DNAAF11: variants seen among roughly 807,000 people sequenced by gnomAD.
DNAAF11 encodes the protein leucine rich repeat containing 6.
DNAAF11 carries 45 observed loss-of-function variants against 60.8 expected under a neutral mutation model. The observed-to-expected ratio is 0.74, with a 90% CI of 0.58 to 0.95. DNAAF11 has a LOEUF of 0.95. Among genes scored for constraint, DNAAF11 ranks in the 40% least tolerant of loss-of-function variants. The pLI is 0.00. For synonymous variants in DNAAF11, 191 were observed against 183.5 expected (o/e 1.04, Z -0.33); for missense variants, 546 against 546.2 (o/e 1.00, Z 0.00).
At chr8:132,639,274 A>C (rs994331231) in intron 3 of DNAAF11, among the ~76,000 whole-genome samples, 1 of 152,156 alleles carries the variant, frequency 6.6e-6, no homozygotes, top group African/African-American at 2.4e-5. Context: ...GTTCAATATA[A>C]GATTATCTCT....
chr8:132,632,912 C>G lies in DNAAF11; in HGVS notation c.481G>C (p.Asp161His). The G allele has an allele frequency of 6.2e-7, 1 of 1,613,838 alleles. No homozygotes were observed. The highest frequency in any genetic ancestry group is 8.5e-7 in the Non-Finnish European group (1 of 1,179,900). ...ATTTGTGGTTCAATTACTGAATAGT[C>G]CTGCAATGCCTTAATCCTTTCTGAA... ...EPSERIKALQ[D>H]YSVIEPQIRE... The change falls in exon 5 of 12, where the codon GAC (aspartate) becomes CAC (histidine). Residue 161 changes from aspartate (D) to histidine (H), a missense_variant. Physicochemically the swap from Asp to His is moderately conservative, Grantham distance 81. Coordinates refer to ENST00000620350, the MANE Select transcript of DNAAF11 (RefSeq NM_012472.6).
intron 11 of DNAAF11, among the ~76,000 whole-genome samples, chr8:132,577,623 G>T (rs1176689195): frequency 6.6e-6 from 1 of 152,178 alleles, no homozygotes; most frequent in Non-Finnish European, 1.5e-5. Flanking sequence ...TAATAATGAT[G>T]TTAATAACAA....
At chr8:132,588,852 G>T (rs1267799112) in intron 10 of DNAAF11, among the ~76,000 whole-genome samples, 1 of 152,110 alleles carries the variant, frequency 6.6e-6, no homozygotes, top group Non-Finnish European at 1.5e-5. Flanking sequence ...GGGGAAGCAG[G>T]CATGTCTCAT....
chr8:132,573,335 C>T (rs1428359344), intron 11 of DNAAF11, among the ~76,000 whole-genome samples: 1 of 152,030 alleles, frequency 6.6e-6, no homozygotes, highest in African/African-American at 2.4e-5. Flanking sequence ...TATGATATTC[C>T]AGGTGTTGTA....
At chr8:132,693,581 T>C in the DNAAF11 span, among the ~76,000 whole-genome samples, 1 of 151,952 alleles carries the variant, frequency 6.6e-6, no homozygotes, top group African/African-American at 2.4e-5. Flanking sequence ...AAGAAGCTTA[T>C]ATTAATACAG....
intron 3 of DNAAF11, among the ~76,000 whole-genome samples, chr8:132,655,441 A>G (rs1337193504): frequency 6.6e-6 from 1 of 152,164 alleles, no homozygotes; most frequent in Non-Finnish European, 1.5e-5. Flanking sequence ...AAAGACACCT[A>G]TAGGGAAAAC....
rs529801255 is a variant in DNAAF11, at chr8:132,661,825, GAGA to G, written c.11-201_11-199del. ...TTGTGATGCCATGATGTGAGCTGGA[GAGA>G]AGAAGAAGACATGATGATATTGTAT... On this transcript the variant is annotated intron_variant, in intron 1 of 11. Coordinates refer to ENST00000620350, the MANE Select transcript of DNAAF11 (RefSeq NM_012472.6). Among the ~76,000 whole-genome samples, 571 of 152,298 alleles carry G rather than the reference GAGA, an allele frequency of 3.7e-3. 3 individuals are homozygous for G. Among genetic ancestry groups the G allele is most frequent in the African/African-American group, 0.013 (525 of 41,568 alleles).
At chr8:132,699,804 G>A in the DNAAF11 span, among the ~76,000 whole-genome samples, 1 of 152,042 alleles carries the variant, frequency 6.6e-6, no homozygotes, top group Non-Finnish European at 1.5e-5. Context: ...GATGTGAGTC[G>A]GATAAACATA....
At chr8:132,674,160 A>AAGGAGGAGAAGGAGAAGGAGGAGG (rs1554613110) in intron 1 of DNAAF11, among the ~76,000 whole-genome samples, 1 of 38,950 alleles carries the variant, frequency 2.6e-5, no homozygotes, top group African/African-American at 1.0e-4. Context: ...GGAGGAGGAG[A>AAGGAGGAGAAGGAGAAGGAGGAGG]AGGAGAAGGA....
chr8:132,610,700 ATATAAT>A (rs753961105), intron 9 of DNAAF11, among the ~76,000 whole-genome samples: 8 of 152,308 alleles, frequency 5.3e-5, no homozygotes, highest in Non-Finnish European at 8.8e-5. Flanking sequence ...GCTCCCACAC[ATATAAT>A]TATGTTATTA....
chr8:132,641,815 G>A (rs1821883499), intron 3 of DNAAF11, among the ~76,000 whole-genome samples: 1 of 152,130 alleles, frequency 6.6e-6, no homozygotes, highest in African/African-American at 2.4e-5. Context: ...GTAGAAAAAT[G>A]GTTAAGCAAA....
At chr8:132,655,352 A>T (rs1282335460) in intron 3 of DNAAF11, among the ~76,000 whole-genome samples, 1 of 152,058 alleles carries the variant, frequency 6.6e-6, no homozygotes, top group African/African-American at 2.4e-5. Context: ...AATTTTTTAC[A>T]AGCTCTCTGA....
chr8:132,571,246 G>T lies in DNAAF11; in HGVS notation c.*1060C>A, dbSNP rs1259077537. Among the ~76,000 whole-genome samples, 1 of 152,168 alleles carries T rather than the reference G, an allele frequency of 6.6e-6. No individual in the cohort carries two copies. Among genetic ancestry groups the T allele is most frequent in the African/African-American group, 2.4e-5 (1 of 41,440 alleles). On this transcript the variant is annotated 3_prime_UTR_variant, in exon 12 of 12. Transcript: ENST00000620350. ...TGACATAGTCTGTGTGTATGTATTTGTCTGCTTTGTTACTACTAAATCCCT... is the reference window on the plus strand; with the variant it reads ...TGACATAGTCTGTGTGTATGTATTTTTCTGCTTTGTTACTACTAAATCCCT...
At chr8:132,698,480 T>C in the DNAAF11 span, among the ~76,000 whole-genome samples, 1 of 152,238 alleles carries the variant, frequency 6.6e-6, no homozygotes, top group Non-Finnish European at 1.5e-5. Flanking sequence ...CCTTTGGTAC[T>C]GTGAAATCAT....
chr8:132,686,277 C>A, the DNAAF11 span, among the ~76,000 whole-genome samples: 1 of 151,932 alleles, frequency 6.6e-6, no homozygotes, highest in African/African-American at 2.4e-5. Flanking sequence ...ACTGGGAGAG[C>A]CTGGTTTGCT....
At chr8:132,626,727 T>C (rs1296197151) in intron 5 of DNAAF11, among the ~76,000 whole-genome samples, 1 of 152,162 alleles carries the variant, frequency 6.6e-6, no homozygotes, top group Non-Finnish European at 1.5e-5. Context: ...ATAGACACTT[T>C]ATTAGATGAC....
At chr8:132,594,587 G>A (rs896227296) in intron 10 of DNAAF11, among the ~76,000 whole-genome samples, 2 of 151,916 alleles carry the variant, frequency 1.3e-5, no homozygotes, top group African/African-American at 4.8e-5. Flanking sequence ...CTGTGTGGAG[G>A]GAGGGATGTG....
At chr8:132,614,480 G>A (rs922063483) in intron 8 of DNAAF11, among the ~76,000 whole-genome samples, 1 of 152,224 alleles carries the variant, frequency 6.6e-6, no homozygotes. Context: ...GAGTGTCAAA[G>A]CCATGGAGCT....
chr8:132,657,423 C>G (rs1219019393), intron 2 of DNAAF11, among the ~76,000 whole-genome samples: 1 of 152,124 alleles, frequency 6.6e-6, no homozygotes, highest in African/African-American at 2.4e-5. Flanking sequence ...ATAAGGGAAA[C>G]AGCTGCAGGA....
Sources: gnomAD v4.1 joint callset for allele counts (sites outside exome capture counted in the v4.1 genomes callset) on GRCh38, gnomAD v4.1.1 for gene constraint, MANE v1.5 for transcripts, NCBI Gene and HGNC (gene_info 2026-07-23, HGNC 2026-07-21) for gene names.